ZNF587B: variants seen among roughly 807,000 people sequenced by gnomAD.
The protein encoded by ZNF587B is zinc finger protein 587B.
ZNF587B carries 6 observed loss-of-function variants against 7.2 expected under a neutral mutation model. The observed-to-expected ratio is 0.83, with a 90% CI of 0.46 to 1.65. The LOEUF (loss-of-function observed/expected upper bound fraction) is 1.65, where lower values mean the gene tolerates loss of function less well. Ranked by LOEUF, ZNF587B falls within the 40% of genes most tolerant of loss-of-function variation. The pLI is 0.01. For synonymous variants in ZNF587B, 274 were observed against 254.3 expected, an observed-to-expected ratio of 1.08 and a Z score of -0.74; for missense variants, 749 against 761.0, an observed-to-expected ratio of 0.98 and a Z score of 0.19.
At chr19:57,837,261 CTT>C (rs112068491) in intron 1 of ZNF587B, among the ~76,000 whole-genome samples, 2 of 144,030 alleles carry the variant, frequency 1.4e-5, no homozygotes, top group Non-Finnish European at 1.5e-5. Context: ...TATGTGATAC[CTT>C]TTTTTTTTTT....
At chr19:57,837,773 C>T (rs1286460739) in intron 1 of ZNF587B, among the ~76,000 whole-genome samples, 4 of 151,830 alleles carry the variant, frequency 2.6e-5, no homozygotes, top group South Asian at 4.2e-4. Flanking sequence ...TTAGTAGAGA[C>T]GCAGTTTCAC....
chr19:57,844,427 G>T lies in ZNF587B; in HGVS notation c.*1851G>T. The stretch of plus-strand genomic sequence containing the variant: ...GAGGCAGGAAAATTGCTTGAACCCC[G>T]GGAGGTAGAGGTTGCAGTGAGCTGA... On this transcript the variant is annotated 3_prime_UTR_variant, in exon 3 of 3. Coordinates refer to ENST00000594901, the MANE Select transcript of ZNF587B (RefSeq NM_001376223.1). 1 of 283,546 alleles carries T rather than the reference G, an allele frequency of 3.5e-6. No individual in the cohort carries two copies. Among genetic ancestry groups the T allele is most frequent in the South Asian group, 2.7e-5 (1 of 37,568 alleles). 17.6% of individuals were successfully genotyped at this position (283,546 alleles called of 1,614,324 possible). A position where few individuals can be genotyped will look rare whatever the true frequency, so the allele number is the denominator to read the frequency against.
chr19:57,831,112 T>C (rs1424801866), intron 1 of ZNF587B, among the ~76,000 whole-genome samples: 2 of 152,188 alleles, frequency 1.3e-5, no homozygotes, highest in Non-Finnish European at 2.9e-5. Context: ...CAGTATCTTA[T>C]CAGTTAATTG....
rs191545586 is a variant in ZNF587B at position 57,830,332 on chromosome 19, C to T, written c.-197C>T. The T allele has an allele frequency of 9.2e-4, 505 of 549,850 alleles. 1 individual carries two copies. Among genetic ancestry groups the T allele is most frequent in the South Asian group, 1.7e-3 (70 of 40,002 alleles). 34.1% of individuals were successfully genotyped at this position (549,850 alleles called of 1,614,324 possible). A position where few individuals can be genotyped will look rare whatever the true frequency, so the allele number is the denominator to read the frequency against. On this transcript the variant is annotated 5_prime_UTR_variant, in exon 1 of 3. Transcript: ENST00000594901. Reference sequence around the variant, plus strand: ...TTGGGTTTATTTGTCGGAGAGGCTCCTGAGCGCTAGGTCGGCACTGCGGTG... The same window carrying T: ...TTGGGTTTATTTGTCGGAGAGGCTCTTGAGCGCTAGGTCGGCACTGCGGTG...
Position 57,841,937 on chromosome 19 carries a change from A to G in ZNF587B, c.1263A>G (p.Glu421=), listed in dbSNP as rs1410925824. 6.2e-7 allele frequency: 1 copy of G among 1,613,510 alleles called. No individual in the cohort carries two copies. Among genetic ancestry groups the G allele is most frequent in the Non-Finnish European group, 8.5e-7 (1 of 1,179,736 alleles). ...KCGDCGKSFN[E]KGHLRSHQRV... ...GAGACTGTGGGAAATCTTTTAATGA[A>G]AAAGGACACCTTAGGAGTCATCAGC... Residue 421 remains glutamate (E), a synonymous_variant, in exon 3 of 3, where the codon GAA becomes GAG. Transcript: ENST00000594901.
intron 1 of ZNF587B, among the ~76,000 whole-genome samples, chr19:57,838,557 T>C (rs1988718111): frequency 1.3e-5 from 2 of 152,124 alleles, no homozygotes; most frequent in Admixed American, 1.3e-4. Flanking sequence ...GCCGAGATTG[T>C]GCCACTGCAC....
At chr19:57,837,018 G>C (rs1448606571) in intron 1 of ZNF587B, among the ~76,000 whole-genome samples, 1 of 126,352 alleles carries the variant, frequency 7.9e-6, no homozygotes, top group East Asian at 2.1e-4. Flanking sequence ...TTCGATCAAT[G>C]AATGGGACCA....
In ZNF587B at chr19:57,842,708, C is replaced by T. The variant is rs1988907006; in HGVS notation, c.*132C>T. On this transcript the variant is annotated 3_prime_UTR_variant, in exon 3 of 3. Transcript: ENST00000594901. ...CTCCTTGGACATTGGAGAGTTCACA[C>T]CAGAGAAAAGTCCTTACAAGTAAAA... is the stretch of plus-strand genomic sequence containing the variant. 3.9e-6 allele frequency: 5 copies of T among 1,295,862 alleles called. No homozygotes were observed. Among genetic ancestry groups the T allele is most frequent in the African/African-American group, 1.5e-5 (1 of 66,006 alleles). 80.3% of individuals were successfully genotyped at this position (1,295,862 alleles called of 1,614,324 possible). A position where few individuals can be genotyped will look rare whatever the true frequency, so the allele number is the denominator to read the frequency against.
rs1988959002 is a variant in ZNF587B at position 57,843,606 on chromosome 19, T to TTTTTTTTTTTTTG, written c.*1042_*1043insGTTTTTTTTTTTT. 2.2e-6 allele frequency: 2 copies of TTTTTTTTTTTTTG among 908,320 alleles called. 1 individual carries two copies. Among genetic ancestry groups the TTTTTTTTTTTTTG allele is most frequent in the African/African-American group, 4.0e-5 (2 of 49,670 alleles). 56.3% of individuals were successfully genotyped at this position (908,320 alleles called of 1,614,324 possible). A position where few individuals can be genotyped will look rare whatever the true frequency, so the allele number is the denominator to read the frequency against. ...TGGTTGGTTGTTTTTTTTTGTTTTT[T>TTTTTTTTTTTTTG]TTTTTTTTTTTTTTGGAGACAAAGT... On this transcript the variant is annotated 3_prime_UTR_variant, in exon 3 of 3. Transcript: ENST00000594901.
At chr19:57,831,150 T>G (rs1988373801) in intron 1 of ZNF587B, among the ~76,000 whole-genome samples, 2 of 152,184 alleles carry the variant, frequency 1.3e-5, no homozygotes, top group South Asian at 4.1e-4. Flanking sequence ...GGAGTCAGCT[T>G]GCACAAGTTA....
chr19:57,841,624 A>G lies in ZNF587B; in HGVS notation c.950A>G (p.Gln317Arg). 1 of 1,592,570 alleles carries G rather than the reference A, an allele frequency of 6.3e-7. No homozygotes were observed. The highest frequency in any genetic ancestry group is 8.6e-7 in the Non-Finnish European group (1 of 1,169,228). Reference protein sequence around the residue: ...FSLEGYLRRHQKVHAGKGPYE... With the variant: ...FSLEGYLRRHRKVHAGKGPYE... ...TTAGAAGGATATCTTAGGCGCCATCAAAAAGTTCACGCTGGAAAAGGGCCT... is the reference window on the plus strand; with the variant it reads ...TTAGAAGGATATCTTAGGCGCCATCGAAAAGTTCACGCTGGAAAAGGGCCT... The change falls in exon 3 of 3, where the codon CAA (glutamine) becomes CGA (arginine). Residue 317 changes from glutamine to arginine, a missense_variant. Around this residue, in one of 3 missense-constraint regions of ZNF587B, gnomAD observed 656 missense variants for 596.5 expected, o/e 1.10. Transcript: ENST00000594901.
At position 57,843,429 on chromosome 19, in the gene ZNF587B, C is replaced by T. The variant is rs539574273; in HGVS notation, c.*853C>T. On this transcript the variant is annotated 3_prime_UTR_variant, in exon 3 of 3. Transcript: ENST00000594901. ...TATCTTGCTAGACTTATGTGACTGCCACTTATCTGGCAAAAGCCATTACAT... is the reference window on the plus strand; with the variant it reads ...TATCTTGCTAGACTTATGTGACTGCTACTTATCTGGCAAAAGCCATTACAT... 1.0e-6 allele frequency: 1 copy of T among 985,232 alleles called. No individual in the cohort carries two copies. Among genetic ancestry groups the T allele is most frequent in the East Asian group, 1.1e-4 (1 of 8,812 alleles). 61.0% of individuals were successfully genotyped at this position (985,232 alleles called of 1,614,324 possible).
At chr19:57,837,479 C>G (rs1228019937) in intron 1 of ZNF587B, among the ~76,000 whole-genome samples, 4 of 146,914 alleles carry the variant, frequency 2.7e-5, no homozygotes, top group African/African-American at 5.1e-5. Flanking sequence ...GATGGAGTCT[C>G]GCTCTGTAGC....
In ZNF587B at chr19:57,830,490, A is replaced by G. The variant is rs776233307; in HGVS notation, c.-39A>G. 33 of 1,547,538 alleles carry G rather than the reference A, an allele frequency of 2.1e-5. No homozygotes were observed. In the African/African-American group the frequency reaches 2.6e-4, roughly 12 times the overall value. On this transcript the variant is annotated 5_prime_UTR_variant, in exon 1 of 3. Coordinates refer to ENST00000594901, the MANE Select transcript of ZNF587B (RefSeq NM_001376223.1). ...TCATGCCCATATCTCCTGGCTGGTC[A>G]CCCTCTCCTCCCAACCCTGCTTTAA...
chr19:57,843,587 G>GTTTTTTTTTTTTTTTTTTTTTT lies in ZNF587B; in HGVS notation c.*1013_*1014insTTTTTTTTTTTTTTTTTTTTTT, dbSNP rs1324065807. ...GTTTGGTTGGTTGGTTGGTTGGTTG[G>GTTTTTTTTTTTTTTTTTTTTTT]TTGTTTTTTTTTGTTTTTTTTTTTT... On this transcript the variant is annotated 3_prime_UTR_variant, in exon 3 of 3. Coordinates refer to ENST00000594901, the MANE Select transcript of ZNF587B (RefSeq NM_001376223.1). The GTTTTTTTTTTTTTTTTTTTTTT allele has an allele frequency of 1.1e-4, 78 of 738,168 alleles. 3 individuals carry two copies. The highest frequency in any genetic ancestry group is 6.1e-4 in the Admixed American group (7 of 11,550). 45.7% of individuals were successfully genotyped at this position (738,168 alleles called of 1,614,324 possible).
At chr19:57,831,043 G>C (rs7260546) in intron 1 of ZNF587B, among the ~76,000 whole-genome samples, 86,657 of 151,982 alleles carry the variant, frequency 0.57, 25,093 homozygotes, top group African/African-American at 0.64. Context: ...GTGATAGATG[G>C]GGGGCTTTGG....
Position 57,843,352 on chromosome 19 carries a change from G to GA in ZNF587B, c.*782dup. ...TTTGAGGGCACCATGTGCCCAAATT[G>GA]AAAAAACTCCAGGCATGTGGCATCT... On this transcript the variant is annotated 3_prime_UTR_variant, in exon 3 of 3. Transcript: ENST00000594901. The GA allele has an allele frequency of 1.0e-6, 1 of 985,208 alleles. No homozygotes were observed. 61.0% of individuals were successfully genotyped at this position (985,208 alleles called of 1,614,324 possible). A position where few individuals can be genotyped will look rare whatever the true frequency, so the allele number is the denominator to read the frequency against.
At chr19:57,839,646 C>G (rs1988761917) in intron 2 of ZNF587B, among the ~76,000 whole-genome samples, 1 of 152,122 alleles carries the variant, frequency 6.6e-6, no homozygotes, top group Non-Finnish European at 1.5e-5. Flanking sequence ...CTTGTTCTGT[C>G]TTTCCCTTAG....
In ZNF587B at chr19:57,841,638, G is replaced by A. The variant is rs1600109170; in HGVS notation, c.964G>A (p.Gly322Arg). The A allele has an allele frequency of 2.5e-6, 4 of 1,598,916 alleles. No individual in the cohort carries two copies. The East Asian group carries it at 6.8e-5, about 27-fold the overall frequency. The change falls in exon 3 of 3, where the codon GGA becomes AGA. Residue 322 changes from glycine to arginine, a missense_variant. Around this residue, in one of 3 missense-constraint regions of ZNF587B, gnomAD observed 656 missense variants for 596.5 expected, o/e 1.10. Transcript: ENST00000594901. ...TAGGCGCCATCAAAAAGTTCACGCT[G>A]GAAAAGGGCCTTATGAGTGTGGAGA... ...YLRRHQKVHA[G>R]KGPYECGECG...
Sources: gnomAD v4.1 joint callset for allele counts (sites outside exome capture counted in the v4.1 genomes callset) on GRCh38, gnomAD v4.1.1 for gene constraint, gnomAD v4.1.1 regional missense constraint, MANE v1.5 for transcripts, NCBI Gene and HGNC (gene_info 2026-07-23, HGNC 2026-07-21) for gene names.